ZNF592: variants seen among roughly 807,000 people sequenced by gnomAD.
The protein encoded by ZNF592 is zinc finger protein 592, also known as spinocerebellar ataxia, autosomal recessive 5.
In ZNF592, 11 loss-of-function variants were observed where a neutral mutation model predicts 80.3. The observed-to-expected ratio is 0.14, with a 90% CI of 0.09 to 0.23. The LOEUF is 0.23. Among genes scored for constraint, ZNF592 ranks in the 10% least tolerant of loss-of-function variants. ZNF592 has a pLI of 1.00. For missense variants in ZNF592, 1,420 were observed against 1,633.9 expected (o/e 0.87, Z 2.26); for synonymous variants, 646 against 640.3 (o/e 1.01, Z -0.13).
At chr15:84,764,581 G>C (rs1040741134) in intron 1 of ZNF592, 126 bp from the exon 2 acceptor site, 6 of 386,778 alleles carry the variant, frequency 1.6e-5, no homozygotes, top group Non-Finnish European at 2.7e-5. Flanking sequence ...TTACATTTGG[G>C]GATTTTTCTC....
At chr15:84,771,024 AGGT>A (rs562729752) in intron 2 of ZNF592, among the ~76,000 whole-genome samples, 10 of 152,140 alleles carry the variant, frequency 6.6e-5, no homozygotes, top group Non-Finnish European at 8.8e-5. Context: ...AAGCAGGGGC[AGGT>A]ACATCAGCCA....
intron 5 of ZNF592, among the ~76,000 whole-genome samples, chr15:84,792,783 C>A (rs1962786274): frequency 6.6e-6 from 1 of 152,112 alleles, no homozygotes; most frequent in African/African-American, 2.4e-5. Context: ...AGACTGATTT[C>A]TTTTTCATCT....
Position 84,797,930 on chromosome 15 carries a change from C to T in ZNF592, c.2461C>T (p.Arg821Ter). ...CTTGCTGAAAAGCCACATCCAGGAGCGACACTGCCAGGTTTTCCACAAATG... is the reference window on the plus strand; with the variant it reads ...CTTGCTGAAAAGCCACATCCAGGAGTGACACTGCCAGGTTTTCCACAAATG... ...LALLKSHIQE[R>*]HCQVFHKCAF... The change falls in exon 6 of 11, where the codon CGA becomes TGA. Residue 821 changes from arginine to a stop codon, truncating the protein, a stop_gained. Coordinates refer to ENST00000560079, the MANE Select transcript of ZNF592 (RefSeq NM_014630.3). LOFTEE classifies it high-confidence loss of function. 6.2e-7 allele frequency: 1 copy of T among 1,614,234 alleles called. No homozygotes were observed. The highest frequency in any genetic ancestry group is 8.5e-7 in the Non-Finnish European group (1 of 1,180,042).
chr15:84,763,775 G>T (rs1899419043), intron 1 of ZNF592, among the ~76,000 whole-genome samples: 1 of 152,164 alleles, frequency 6.6e-6, no homozygotes, highest in African/African-American at 2.4e-5. Context: ...GGATTAGAGT[G>T]AGAATGGGCA....
chr15:84,783,164 A>G lies in ZNF592; in HGVS notation c.489A>G (p.Lys163=), dbSNP rs867434546. The change falls in exon 4 of 11, where the codon AAA becomes AAG. Residue 163 remains lysine, a synonymous_variant. Transcript: ENST00000560079. This position sits in a 1 kb window ranked among gnomAD's most constrained non-coding sequence, Gnocchi z 5.0. The part of the protein sequence containing the change: ...IKDNGFGIKP[K]HSDSYFPPPL... Reference sequence around the variant, plus strand: ...ATAACGGATTTGGGATAAAGCCCAAACACTCTGACAGTTATTTCCCACCCC... The same window carrying G: ...ATAACGGATTTGGGATAAAGCCCAAGCACTCTGACAGTTATTTCCCACCCC... 3.1e-6 allele frequency: 5 copies of G among 1,614,134 alleles called. No individual in the cohort carries two copies. The African/African-American group carries it at 4.0e-5, about 13-fold the overall frequency.
Position 84,801,991 on chromosome 15 carries a change from C to T in ZNF592, c.3402C>T (p.Asp1134=), listed in dbSNP as rs1240441454. 2 of 1,613,902 alleles carry T rather than the reference C, an allele frequency of 1.2e-6. No individual in the cohort carries two copies. Among genetic ancestry groups the T allele is most frequent in the Non-Finnish European group, 1.7e-6 (2 of 1,179,884 alleles). ...GCGCGAAATGTAGTTTTGCCACAGA[C>T]TCGGGGCTCGAGTTTCAGAGCCACA... ...FQCAKCSFAT[D]SGLEFQSHIP... Residue 1134 remains aspartate, a synonymous_variant, in exon 11 of 11, where the codon GAC becomes GAT. Coordinates refer to ENST00000560079, the MANE Select transcript of ZNF592 (RefSeq NM_014630.3).
chr15:84,798,661 G>A lies in ZNF592; in HGVS notation c.2810G>A (p.Arg937His), dbSNP rs749155839. ...LQSSADTSSSRPGSRVPTEPP... is the reference protein window; with the variant it reads ...LQSSADTSSSHPGSRVPTEPP... ...TCTTCAGCGGACACATCCTCAAGCC[G>A]CCCTGGCTCTCGAGTTCCCACTGAG... Residue 937 changes from arginine (R) to histidine (H), a missense_variant, in exon 8 of 11, where the codon CGC (arginine) becomes CAC (histidine). Physicochemically the swap from Arg to His is conservative, Grantham distance 29. Transcript: ENST00000560079. The surrounding 1 kb of genome is among the most constrained non-coding windows in gnomAD (Gnocchi z 4.5). 1.5e-5 allele frequency: 24 copies of A among 1,613,724 alleles called. No individual in the cohort carries two copies. The East Asian group carries it at 1.6e-4, about 10-fold the overall frequency.
At chr15:84,786,621 T>C (rs1489910752) in intron 4 of ZNF592, among the ~76,000 whole-genome samples, 1 of 152,192 alleles carries the variant, frequency 6.6e-6, no homozygotes, top group Non-Finnish European at 1.5e-5. Flanking sequence ...GCCTCTCATC[T>C]CCTCCTGCTC....
intron 1 of ZNF592, among the ~76,000 whole-genome samples, chr15:84,760,739 G>A (rs1899326104): frequency 6.6e-6 from 1 of 152,164 alleles, no homozygotes; most frequent in South Asian, 2.1e-4. Context: ...GGATGAAGAG[G>A]ATGCTCTCAG....
chr15:84,794,258 A>G (rs1962829911), intron 5 of ZNF592, among the ~76,000 whole-genome samples: 1 of 152,232 alleles, frequency 6.6e-6, no homozygotes, highest in South Asian at 2.1e-4. Flanking sequence ...GAGGAAAAAA[A>G]GTAGTAACTC....
At chr15:84,775,729 C>T (rs1259216437) in intron 2 of ZNF592, among the ~76,000 whole-genome samples, 1 of 152,142 alleles carries the variant, frequency 6.6e-6, no homozygotes, top group Non-Finnish European at 1.5e-5. Context: ...TGCGCCCGGC[C>T]GAATCATATT....
chr15:84,771,588 C>T (rs1290337129), intron 2 of ZNF592, among the ~76,000 whole-genome samples: 2 of 152,140 alleles, frequency 1.3e-5, no homozygotes, highest in Admixed American at 6.5e-5. Context: ...GTATGTTTCA[C>T]AGCAAATTTT....
rs2141985023 is a variant in ZNF592, at chr15:84,782,865, C to T, written c.190C>T (p.Pro64Ser). Reference protein sequence around the residue: ...LSHSGSAPDVPAVSVIVKNTS... With the variant: ...LSHSGSAPDVSAVSVIVKNTS... ...TCACTCAGGATCAGCCCCCGATGTG[C>T]CGGCCGTGAGTGTCATTGTCAAGAA... Residue 64 changes from proline (P) to serine (S), a missense_variant, in exon 4 of 11, where the codon CCG becomes TCG. By Grantham distance (74) the Pro-to-Ser change is moderately conservative. Around this residue, in one of 7 missense-constraint regions of ZNF592, gnomAD observed 373 missense variants for 355.5 expected, o/e 1.05. Transcript: ENST00000560079. 6.2e-7 allele frequency: 1 copy of T among 1,614,132 alleles called. No individual in the cohort carries two copies. The highest frequency in any genetic ancestry group is 1.3e-5 in the African/African-American group (1 of 75,026).
intron 2 of ZNF592, among the ~76,000 whole-genome samples, chr15:84,772,215 A>T (rs1027955175): frequency 3.8e-4 from 58 of 152,038 alleles, no homozygotes; most frequent in Non-Finnish European, 7.8e-4. Flanking sequence ...AGTTCCCTTC[A>T]CTACCGTAAC....
intron 2 of ZNF592, among the ~76,000 whole-genome samples, chr15:84,767,216 T>A (rs1221869012): frequency 6.6e-6 from 1 of 152,144 alleles, no homozygotes; most frequent in Non-Finnish European, 1.5e-5. Flanking sequence ...TTTTGTATTT[T>A]TAGTTTCACC....
chr15:84,763,354 C>T (rs572165473), intron 1 of ZNF592, among the ~76,000 whole-genome samples: 5 of 152,286 alleles, frequency 3.3e-5, no homozygotes, highest in Admixed American at 1.3e-4. Flanking sequence ...TGCATGATTG[C>T]GCATGTGAGA....
chr15:84,792,315 G>A (rs1034490205), intron 5 of ZNF592, among the ~76,000 whole-genome samples: 2 of 151,928 alleles, frequency 1.3e-5, no homozygotes, highest in African/African-American at 2.4e-5. Context: ...ATTTTCCAGC[G>A]GACATTGAGG....
At chr15:84,796,552 G>A (rs763011238) in intron 5 of ZNF592, among the ~76,000 whole-genome samples, 6 of 151,982 alleles carry the variant, frequency 3.9e-5, no homozygotes, top group Admixed American at 1.3e-4. Context: ...TCTTATGGAT[G>A]CAGGTTGGCA....
intron 2 of ZNF592, among the ~76,000 whole-genome samples, chr15:84,777,694 C>CTTTTT (rs397854471): frequency 9.1e-5 from 9 of 98,424 alleles, no homozygotes; most frequent in South Asian, 3.3e-4. Flanking sequence ...TGTTGAGATA[C>CTTTTT]TTTTTTTTTT....
Sources: gnomAD v4.1 joint callset for allele counts (sites outside exome capture counted in the v4.1 genomes callset) on GRCh38, gnomAD v4.1.1 for gene constraint, gnomAD v4.1.1 regional missense constraint, Gnocchi (gnomAD v3.1) non-coding constraint, MANE v1.5 for transcripts, NCBI Gene and HGNC (gene_info 2026-07-23, HGNC 2026-07-21) for gene names.